The following PPFIBP2 variants were observed in gnomAD, a reference collection of about 807,000 sequenced individuals.
PPFIBP2 encodes the protein liprin-beta-2.
A neutral mutation model predicts 118.3 loss-of-function variants in PPFIBP2; 118 were observed. The ratio of observed to expected loss-of-function variants is 1.00; its 90% CI spans 0.86 to 1.16. The LOEUF is 1.16. Among genes scored for constraint, PPFIBP2 ranks in the 50% most tolerant of loss-of-function variants. The probability of loss-of-function intolerance (pLI) is 0.00; values close to 1 mark genes in which losing one functional copy is unlikely to be tolerated. For synonymous variants in PPFIBP2, 414 were observed against 397.4 expected (o/e 1.04, Z -0.50); for missense variants, 1,195 against 1,073.1 (o/e 1.11, Z -1.59).
intron 1 of PPFIBP2, among the ~76,000 whole-genome samples, chr11:7,545,901 G>A (rs1852278358): frequency 6.6e-6 from 1 of 152,178 alleles, no homozygotes; most frequent in Non-Finnish European, 1.5e-5. Context: ...TCCTACCTTG[G>A]GGAGGAGAGT....
At chr11:7,542,129 G>C (rs550165062) in intron 1 of PPFIBP2, among the ~76,000 whole-genome samples, 2 of 152,298 alleles carry the variant, frequency 1.3e-5, no homozygotes, top group Admixed American at 1.3e-4. Context: ...CTCCAAATGG[G>C]TTTCTGTCTC....
chr11:7,527,943 C>A (rs1487763395), intron 1 of PPFIBP2, among the ~76,000 whole-genome samples: 1 of 152,168 alleles, frequency 6.6e-6, no homozygotes. Flanking sequence ...AGAGTCTGTG[C>A]TCACTTAAAT....
intron 6 of PPFIBP2, among the ~76,000 whole-genome samples, chr11:7,611,576 T>C (rs1228212503): frequency 6.6e-6 from 1 of 152,298 alleles, no homozygotes; most frequent in East Asian, 1.9e-4. Flanking sequence ...TGACTAAGAG[T>C]CCAGGCTGAT....
chr11:7,649,080 T>C, intron 19 of PPFIBP2, 67 bp from the exon 20 acceptor site: 1 of 1,477,892 alleles, frequency 6.8e-7, no homozygotes, highest in Non-Finnish European at 9.3e-7. Flanking sequence ...TTTGCTCCCC[T>C]TTTTTTGGTG....
At chr11:7,662,999 C>G in the PPFIBP2 span, among the ~76,000 whole-genome samples, 7 of 138,214 alleles carry the variant, frequency 5.1e-5, no homozygotes, top group African/African-American at 1.5e-4. Flanking sequence ...TCAGCTCCAT[C>G]AGCTCCTTTA....
In PPFIBP2 at chr11:7,616,982, C is replaced by T. The variant is rs1377769651; in HGVS notation, c.619-3953C>T. ...GTTGTGGAAAGTGGAGGGCCGTCGA[C>T]AGTGACCACTGAGTGCCACCTGCTC... On this transcript the variant is annotated intron_variant, in intron 6 of 23. Transcript: ENST00000299492. The surrounding 1 kb of genome is among the most constrained non-coding windows in gnomAD (Gnocchi z 5.2). The T allele has an allele frequency of 6.4e-6, 2 of 310,896 alleles. No homozygotes were observed. Among genetic ancestry groups the T allele is most frequent in the East Asian group, 1.7e-4 (1 of 5,802 alleles). 19.3% of individuals were successfully genotyped at this position (310,896 alleles called of 1,614,324 possible).
chr11:7,655,334 TG>T, downstream of PPFIBP2: 1 of 934,120 alleles, frequency 1.1e-6, no homozygotes, highest in Non-Finnish European at 1.5e-6. Flanking sequence ...AAGCATGCCC[TG>T]GAGAAGCCAG....
chr11:7,569,115 T>G (rs1034074976), intron 3 of PPFIBP2: 1 of 152,162 alleles, frequency 6.6e-6, no homozygotes, highest in Admixed American at 6.5e-5. Flanking sequence ...ATAGGACAAA[T>G]AGCAGACTAG....
intron 5 of PPFIBP2, among the ~76,000 whole-genome samples, chr11:7,601,235 G>A (rs150608843): frequency 3.9e-4 from 59 of 152,212 alleles, no homozygotes; most frequent in African/African-American, 1.3e-3. Flanking sequence ...GCTCAGGGCT[G>A]ACCTCCCAAC....
chr11:7,529,900 GC>G (rs1433977183), intron 1 of PPFIBP2, among the ~76,000 whole-genome samples: 2 of 152,226 alleles, frequency 1.3e-5, no homozygotes, highest in Admixed American at 1.3e-4. Context: ...CCCTAACCTT[GC>G]CCTGTTTTGT....
At chr11:7,666,484 T>C in the PPFIBP2 span, 1,252,554 of 1,611,588 alleles carry the variant, frequency 0.78, 487,743 homozygotes, top group African/African-American at 0.85. Flanking sequence ...TACCACAGGT[T>C]GAACTGGTCT....
chr11:7,609,147 T>G (rs1410649326), intron 5 of PPFIBP2, among the ~76,000 whole-genome samples: 5 of 152,214 alleles, frequency 3.3e-5, no homozygotes, highest in African/African-American at 9.6e-5. Flanking sequence ...AGTCAAAAAT[T>G]TCTGTCCCGT....
chr11:7,571,263 C>T (rs894157550), intron 3 of PPFIBP2, among the ~76,000 whole-genome samples: 4 of 152,156 alleles, frequency 2.6e-5, no homozygotes, highest in African/African-American at 9.7e-5. Context: ...CAGCCACCCC[C>T]CCTTCTCAGC....
the PPFIBP2 span, chr11:7,666,415 C>T: frequency 7.2e-7 from 1 of 1,392,502 alleles, no homozygotes; most frequent in East Asian, 2.3e-5. Flanking sequence ...AGGGTTGGTG[C>T]TGACCCATGG....
chr11:7,666,625 C>T, the PPFIBP2 span: 9 of 1,101,998 alleles, frequency 8.2e-6, no homozygotes, highest in Non-Finnish European at 1.2e-5. Context: ...CACCGGTCAG[C>T]ATACTCCTGG....
At chr11:7,563,631 A>T (rs1297665115) in intron 2 of PPFIBP2, among the ~76,000 whole-genome samples, 3 of 152,172 alleles carry the variant, frequency 2.0e-5, no homozygotes, top group African/African-American at 7.2e-5. Context: ...CGGTGGCCCC[A>T]AGCTCACATT....
chr11:7,649,127 T>C lies in PPFIBP2; in HGVS notation c.1910-20T>C. The stretch of plus-strand genomic sequence containing the variant: ...TCATTCTCATGAATCCTGACACATC[T>C]GGGGTTTTTGTATTTGTAGGGTGGC... On this transcript the variant is annotated intron_variant, in intron 19 of 23. Transcript: ENST00000299492. 1 of 1,604,452 alleles carries C rather than the reference T, an allele frequency of 6.2e-7. No individual in the cohort carries two copies. Among genetic ancestry groups the C allele is most frequent in the Non-Finnish European group, 8.5e-7 (1 of 1,172,456 alleles).
chr11:7,587,486 T>A (rs1858416976), intron 3 of PPFIBP2, among the ~76,000 whole-genome samples: 1 of 152,244 alleles, frequency 6.6e-6, no homozygotes, highest in Admixed American at 6.5e-5. Context: ...TAACCAGAAC[T>A]TTTGGTTGCA....
At chr11:7,658,296 C>A (rs1320676962), downstream of PPFIBP2, among the ~76,000 whole-genome samples, 7 of 112,988 alleles carry the variant, frequency 6.2e-5, no homozygotes, top group African/African-American at 2.2e-4. Flanking sequence ...TCCCTCCCCC[C>A]TCCCCCCACC....
Sources: allele counts gnomAD v4.1 joint callset (sites outside exome capture counted in the v4.1 genomes callset), GRCh38; gene constraint gnomAD v4.1.1; non-coding constraint Gnocchi (gnomAD v3.1); transcripts MANE v1.5; gene names NCBI Gene and HGNC (gene_info 2026-07-23, HGNC 2026-07-21).